The following ARG2 variants were observed in gnomAD, a reference collection of about 807,000 sequenced individuals.
ARG2 encodes arginase 2.
Under a neutral mutation model 39.4 loss-of-function variants are expected in ARG2, and 21 were observed. The observed-to-expected ratio is 0.53, with a 90% CI of 0.38 to 0.77. The LOEUF is 0.77. Ranked by LOEUF, ARG2 falls within the 30% of genes least tolerant of loss-of-function variation. The pLI is 0.00. For missense variants in ARG2, 378 were observed against 426.2 expected, an observed-to-expected ratio of 0.89 and a Z score of 1.00; for synonymous variants, 150 against 156.7, an observed-to-expected ratio of 0.96 and a Z score of 0.32.
At chr14:67,642,869 C>G (rs1366665399) in intron 3 of ARG2, among the ~76,000 whole-genome samples, 1 of 120,386 alleles carries the variant, frequency 8.3e-6, no homozygotes, top group Non-Finnish European at 1.6e-5. Flanking sequence ...GTGGCATGAT[C>G]TCAGCTCACT....
intron 3 of ARG2, among the ~76,000 whole-genome samples, chr14:67,643,329 G>C (rs1321284029): frequency 6.6e-6 from 1 of 152,240 alleles, no homozygotes; most frequent in Non-Finnish European, 1.5e-5. Context: ...AAAGGAGGAA[G>C]AGATCAGTCT....
At chr14:67,633,647 C>A (rs2036940962) in intron 2 of ARG2, among the ~76,000 whole-genome samples, 1 of 152,168 alleles carries the variant, frequency 6.6e-6, no homozygotes, top group Non-Finnish European at 1.5e-5. Flanking sequence ...AGCACTAGAT[C>A]CAAAATGCAG....
intron 7 of ARG2, chr14:67,648,719 G>A (rs998445441): frequency 2.0e-5 from 3 of 152,272 alleles, no homozygotes; most frequent in African/African-American, 7.2e-5. Flanking sequence ...AGAGTACTAA[G>A]ATGAATTCTA....
rs1317730893 is a variant in ARG2, at chr14:67,636,526, A to C, written c.185-5660A>C. 2.6e-5 allele frequency among the ~76,000 whole-genome samples: 4 copies of C among 152,182 alleles called. No homozygotes were observed. The East Asian group carries it at 7.7e-4, about 29-fold the overall frequency. On this transcript the variant is annotated intron_variant, in intron 2 of 7. Transcript: ENST00000261783. ...TGTCTCTGGCTTCTTTCAGGGATTT[A>C]CTCACTAGCCCTGAAATAGAAGTGC... is the stretch of plus-strand genomic sequence containing the variant.
chr14:67,647,871 C>T (rs745739391), intron 6 of ARG2, 176 bp from the exon 7 acceptor site: 4 of 645,714 alleles, frequency 6.2e-6, no homozygotes, highest in Non-Finnish European at 1.0e-5. Flanking sequence ...GTTAATATTG[C>T]CAATCTCAGT....
At position 67,651,042 on chromosome 14, in the gene ARG2, TC is replaced by T. The variant is rs1216824769; in HGVS notation, c.*123del. ...TGCCTTAATGAGAACATTTACACAT[TC>T]TCACAATTGTAAAGTTTCCCCTCTA... On this transcript the variant is annotated 3_prime_UTR_variant, in exon 8 of 8. Transcript: ENST00000261783. The T allele has an allele frequency of 4.5e-6, 5 of 1,122,980 alleles. No homozygotes were observed. The highest frequency in any genetic ancestry group is 6.4e-6 in the Non-Finnish European group (5 of 785,342). The allele number at this position is 1,122,980 out of a possible 1,614,324, so 69.6% of individuals were successfully genotyped here. A position where few individuals can be genotyped will look rare whatever the true frequency, so the allele number is the denominator to read the frequency against.
chr14:67,625,376 G>A (rs2036853118), intron 2 of ARG2, among the ~76,000 whole-genome samples: 1 of 152,082 alleles, frequency 6.6e-6, no homozygotes, highest in Non-Finnish European at 1.5e-5. Flanking sequence ...ATGTTTCAAA[G>A]AGCACTATTA....
At chr14:67,648,245 C>A in intron 7 of ARG2, 62 bp downstream of exon 7, 4 of 1,527,648 alleles carry the variant, frequency 2.6e-6, no homozygotes, top group Admixed American at 2.0e-5. Flanking sequence ...GAGTCTCTTG[C>A]CTGCAAAGGA....
intron 3 of ARG2, among the ~76,000 whole-genome samples, chr14:67,644,900 A>G (rs1362540623): frequency 1.3e-5 from 2 of 151,908 alleles, no homozygotes; most frequent in African/African-American, 2.4e-5. Context: ...CGGGAGGCTG[A>G]GGCAGGAAAA....
chr14:67,626,872 G>A (rs1419031639), intron 2 of ARG2, among the ~76,000 whole-genome samples: 8 of 152,176 alleles, frequency 5.3e-5, no homozygotes, highest in Non-Finnish European at 8.8e-5. Context: ...TCCATATAAT[G>A]GAGTATTATT....
rs2037112484 is a variant in ARG2, at chr14:67,647,226, T to C, written c.722+201T>C. 5 of 476,004 alleles carry C rather than the reference T, an allele frequency of 1.1e-5. No individual in the cohort carries two copies. The South Asian group carries it at 1.9e-4, about 19-fold the overall frequency. 29.5% of individuals were successfully genotyped at this position (476,004 alleles called of 1,614,324 possible). On this transcript the variant is annotated intron_variant, in intron 6 of 7. Transcript: ENST00000261783. ...TGGGAGGAGGTTTCCTCTAAATCAT[T>C]GCCTAGATCTTCTGTCTCATGAATT...
intron 2 of ARG2, among the ~76,000 whole-genome samples, chr14:67,635,345 T>G (rs2036960748): frequency 6.6e-6 from 1 of 152,218 alleles, no homozygotes; most frequent in African/African-American, 2.4e-5. Context: ...CAAATGAGTT[T>G]ACCTAAATAA....
chr14:67,639,006 G>C (rs955586098), intron 2 of ARG2, among the ~76,000 whole-genome samples: 1 of 152,076 alleles, frequency 6.6e-6, no homozygotes, highest in South Asian at 2.1e-4. Flanking sequence ...CCACTACCCA[G>C]GTTGGGAATT....
intron 2 of ARG2, among the ~76,000 whole-genome samples, chr14:67,638,454 C>T (rs1038768460): frequency 3.9e-5 from 6 of 152,076 alleles, no homozygotes; most frequent in South Asian, 4.1e-4. Context: ...CTGATATACA[C>T]GTTATCCAAT....
chr14:67,626,388 G>GT (rs1278374201), intron 2 of ARG2, among the ~76,000 whole-genome samples: 1 of 152,248 alleles, frequency 6.6e-6, no homozygotes, highest in Non-Finnish European at 1.5e-5. Context: ...CACTACTGGT[G>GT]TGAATGTAAA....
intron 7 of ARG2, chr14:67,650,361 C>A: frequency 3.4e-6 from 1 of 295,474 alleles, no homozygotes; most frequent in South Asian, 4.0e-5. Flanking sequence ...CCTAGTCATA[C>A]TGGAGGTGGC....
At chr14:67,646,519 G>A in intron 4 of ARG2, 125 bp from the exon 5 acceptor site, 1 of 707,384 alleles carries the variant, frequency 1.4e-6, no homozygotes, top group Non-Finnish European at 2.5e-6. Context: ...TGTGTCCTGT[G>A]TTGCTCTAAA....
chr14:67,650,838 A>AAGG lies in ARG2; in HGVS notation c.987_989dup (p.Gly330dup). The AAGG allele has an allele frequency of 6.2e-7, 1 of 1,614,126 alleles. No individual in the cohort carries two copies. The highest frequency in any genetic ancestry group is 8.5e-7 in the Non-Finnish European group (1 of 1,179,982). On this transcript the variant is annotated inframe_insertion, in exon 8 of 8. Coordinates refer to ENST00000261783, the MANE Select transcript of ARG2 (RefSeq NM_001172.4). ...GCTTCAAGCTTTGGTCAGACAAGAG[A>AAGG]AGGAGGGCATATTGTCTATGACCAA... is the stretch of plus-strand genomic sequence containing the variant.
At chr14:67,642,093 G>C in intron 2 of ARG2, 93 bp from the exon 3 acceptor site, 1 of 1,209,256 alleles carries the variant, frequency 8.3e-7, no homozygotes, top group South Asian at 1.4e-5. Context: ...ATTATGATGT[G>C]TACTTTGTCA....
Sources: allele counts gnomAD v4.1 joint callset (sites outside exome capture counted in the v4.1 genomes callset), GRCh38; gene constraint gnomAD v4.1.1; transcripts MANE v1.5; gene names NCBI Gene and HGNC (gene_info 2026-07-23, HGNC 2026-07-21).